Variants in C12orf42 observed in about 807,000 individuals in gnomAD.
C12orf42 encodes the protein chromosome 12 open reading frame 42.
In C12orf42, 25 loss-of-function variants were observed where a neutral mutation model predicts 21.6. That is an observed-to-expected ratio of 1.16 (90% confidence interval 0.84 to 1.62). The LOEUF (loss-of-function observed/expected upper bound fraction) is 1.62, where lower values mean the gene tolerates loss of function less well. Among genes scored for constraint, C12orf42 ranks in the 40% most tolerant of loss-of-function variants. The pLI, the probability that C12orf42 is intolerant of heterozygous loss-of-function variation, is 0.00. For synonymous variants in C12orf42, 174 were observed against 175.0 expected (o/e 0.99, Z 0.05); for missense variants, 483 against 459.3 (o/e 1.05, Z -0.47).
At chr12:103,087,022 G>C in the C12orf42 span, among the ~76,000 whole-genome samples, 4 of 152,148 alleles carry the variant, frequency 2.6e-5, no homozygotes, top group Admixed American at 1.3e-4. Context: ...ATTTCACTTA[G>C]TATTCCATTT....
chr12:103,380,534 C>T (rs768556753), intron 3 of C12orf42, among the ~76,000 whole-genome samples: 4 of 152,044 alleles, frequency 2.6e-5, no homozygotes, highest in South Asian at 2.1e-4. Flanking sequence ...ATTATTTAAA[C>T]GAGGAATTAG....
chr12:103,175,396 C>A, the C12orf42 span, among the ~76,000 whole-genome samples: 14 of 152,128 alleles, frequency 9.2e-5, no homozygotes, highest in Admixed American at 9.2e-4. Flanking sequence ...TAATAAACCA[C>A]AATGAAAGGA....
the C12orf42 span, among the ~76,000 whole-genome samples, chr12:103,182,470 G>C: frequency 0.011 from 1,640 of 152,266 alleles, 23 homozygotes; most frequent in African/African-American, 0.037. Flanking sequence ...GTAAGGTCAA[G>C]AGAACAGTGT....
At chr12:103,094,570 C>G in the C12orf42 span, among the ~76,000 whole-genome samples, 1 of 152,172 alleles carries the variant, frequency 6.6e-6, no homozygotes, top group Non-Finnish European at 1.5e-5. Context: ...CTCTGACTTT[C>G]CACAGCTCTT....
chr12:103,097,208 T>G, the C12orf42 span, among the ~76,000 whole-genome samples: 1 of 152,154 alleles, frequency 6.6e-6, no homozygotes, highest in African/African-American at 2.4e-5. Flanking sequence ...AGCAATTAGC[T>G]CTAGTTAATG....
At chr12:103,171,212 T>C in the C12orf42 span, among the ~76,000 whole-genome samples, 1 of 152,162 alleles carries the variant, frequency 6.6e-6, no homozygotes, top group Non-Finnish European at 1.5e-5. Flanking sequence ...CCACTGACCC[T>C]GCACAATCTT....
the C12orf42 span, among the ~76,000 whole-genome samples, chr12:103,069,772 C>G: frequency 6.6e-6 from 1 of 152,084 alleles, no homozygotes; most frequent in Admixed American, 6.6e-5. Context: ...GCATACCAGG[C>G]AAATTAGCAT....
the C12orf42 span, among the ~76,000 whole-genome samples, chr12:103,547,628 C>T: frequency 5.1e-4 from 78 of 152,348 alleles, no homozygotes; most frequent in East Asian, 0.014. Context: ...ATGTGATCTG[C>T]TTCAGGGGCT....
At chr12:103,482,080 C>T (rs527628727) in intron 1 of C12orf42, among the ~76,000 whole-genome samples, 9 of 152,094 alleles carry the variant, frequency 5.9e-5, no homozygotes, top group African/African-American at 2.2e-4. Context: ...ACAAGTTAGA[C>T]GTCACTATTA....
At chr12:103,463,141 T>C (rs1225988125) in intron 2 of C12orf42, among the ~76,000 whole-genome samples, 1 of 152,168 alleles carries the variant, frequency 6.6e-6, no homozygotes, top group Non-Finnish European at 1.5e-5. Context: ...TGCTAACACA[T>C]AGTAAGTGCT....
At chr12:103,167,807 C>T in the C12orf42 span, among the ~76,000 whole-genome samples, 13 of 151,262 alleles carry the variant, frequency 8.6e-5, no homozygotes, top group Non-Finnish European at 1.6e-4. Flanking sequence ...AAAAAAAATG[C>T]GCTTTAAATG....
chr12:103,254,422 T>G (rs1751998149), intron 10 of C12orf42, among the ~76,000 whole-genome samples: 1 of 152,196 alleles, frequency 6.6e-6, no homozygotes. Context: ...ATCAGGATGA[T>G]GCTGGCCTCT....
intron 4 of C12orf42, among the ~76,000 whole-genome samples, chr12:103,290,207 T>G (rs2036708212): frequency 6.6e-6 from 1 of 152,182 alleles, no homozygotes; most frequent in African/African-American, 2.4e-5. Flanking sequence ...ATATTGCACC[T>G]GTCAAAACGT....
intron 2 of C12orf42, among the ~76,000 whole-genome samples, chr12:103,414,205 T>C (rs1409739326): frequency 6.6e-6 from 1 of 152,216 alleles, no homozygotes; most frequent in African/African-American, 2.4e-5. Context: ...CATCACATTG[T>C]GGTTTTGATT....
the C12orf42 span, among the ~76,000 whole-genome samples, chr12:103,094,316 T>C: frequency 6.6e-6 from 1 of 152,324 alleles, no homozygotes; most frequent in Middle Eastern, 3.4e-3. Context: ...GAAGTTCAAA[T>C]CCCATTTATG....
chr12:103,394,826 A>C (rs1253146542), intron 3 of C12orf42, among the ~76,000 whole-genome samples: 1 of 152,178 alleles, frequency 6.6e-6, no homozygotes, highest in Non-Finnish European at 1.5e-5. Context: ...AATTCCATCC[A>C]GTGTGGGGCT....
chr12:103,224,060 C>A, the C12orf42 span, among the ~76,000 whole-genome samples: 1 of 152,096 alleles, frequency 6.6e-6, no homozygotes, highest in Non-Finnish European at 1.5e-5. Context: ...GGAATTATGT[C>A]TGACAGAACG....
chr12:103,211,628 C>T, the C12orf42 span, among the ~76,000 whole-genome samples: 5 of 152,268 alleles, frequency 3.3e-5, no homozygotes, highest in Admixed American at 3.3e-4. Context: ...GTCAGTTCTC[C>T]AGCCTTGAGA....
intron 4 of C12orf42, among the ~76,000 whole-genome samples, chr12:103,291,578 G>T (rs368016218): frequency 6.6e-6 from 1 of 152,120 alleles, no homozygotes; most frequent in Non-Finnish European, 1.5e-5. Context: ...TCTTAATCAC[G>T]TGCTAAATAA....
Sources: gnomAD v4.1 joint callset for allele counts (sites outside exome capture counted in the v4.1 genomes callset) on GRCh38, gnomAD v4.1.1 for gene constraint, MANE v1.5 for transcripts, NCBI Gene and HGNC (gene_info 2026-07-23, HGNC 2026-07-21) for gene names.